Variants in MYRIP observed in about 807,000 individuals in gnomAD.
The protein encoded by MYRIP is myosin VIIA and Rab interacting protein, also known as rab effector MyRIP.
In MYRIP, 49 loss-of-function variants were observed where a neutral mutation model predicts 98.0. The observed-to-expected ratio is 0.50, with a 90% CI of 0.40 to 0.63. The LOEUF (loss-of-function observed/expected upper bound fraction) is 0.63, where lower values mean the gene tolerates loss of function less well. MYRIP is among the 30% of genes least tolerant of loss of function. MYRIP has a pLI of 0.00. For synonymous variants in MYRIP, 404 were observed against 409.5 expected (o/e 0.99, Z 0.16); for missense variants, 1,004 against 1,058.2 (o/e 0.95, Z 0.71).
chr3:39,893,240 C>T lies in MYRIP; in HGVS notation c.-30-7547C>T, dbSNP rs112986094. 7.2e-5 allele frequency among the ~76,000 whole-genome samples: 11 copies of T among 152,206 alleles called. 1 individual carries two copies. The highest frequency in any genetic ancestry group is 2.4e-4 in the African/African-American group (10 of 41,554). ...AATTACACTAAGATCTGCAATTATCCTGTGCTCATCCCCAGGTTTTTTGGA... is the reference window on the plus strand; with the variant it reads ...AATTACACTAAGATCTGCAATTATCTTGTGCTCATCCCCAGGTTTTTTGGA... On this transcript the variant is annotated intron_variant, in intron 1 of 16. Coordinates refer to ENST00000302541, the MANE Select transcript of MYRIP (RefSeq NM_015460.4).
At chr3:40,099,575 C>CAT (rs1241890507) in intron 3 of MYRIP, among the ~76,000 whole-genome samples, 3 of 152,158 alleles carry the variant, frequency 2.0e-5, no homozygotes, top group African/African-American at 7.2e-5. Context: ...TGGGGCCAAA[C>CAT]ATATATATAC....
At chr3:40,068,044 T>C (rs1380383147) in intron 3 of MYRIP, among the ~76,000 whole-genome samples, 1 of 152,236 alleles carries the variant, frequency 6.6e-6, no homozygotes, top group Non-Finnish European at 1.5e-5. Context: ...TTTCATGATT[T>C]TGAACATTGG....
At position 40,259,713 on chromosome 3, in the gene MYRIP, G is replaced by A. The variant is rs1445824418; in HGVS notation, c.*1547G>A. On this transcript the variant is annotated 3_prime_UTR_variant, in exon 17 of 17. Coordinates refer to ENST00000302541, the MANE Select transcript of MYRIP (RefSeq NM_015460.4). Reference sequence around the variant, plus strand: ...CATTAATCTTCCAGTACTCCTTGCTGATGCTGTGTTATGTGTCATCTAACA... The same window carrying A: ...CATTAATCTTCCAGTACTCCTTGCTAATGCTGTGTTATGTGTCATCTAACA... 1 of 152,414 alleles carries A rather than the reference G, an allele frequency of 6.6e-6. No individual in the cohort carries two copies. Among genetic ancestry groups the A allele is most frequent in the Non-Finnish European group, 1.5e-5 (1 of 68,040 alleles). The allele number at this position is 152,414 out of a possible 1,614,324, so 9.4% of individuals were successfully genotyped here.
At chr3:39,846,361 C>T (rs768469823) in intron 1 of MYRIP, among the ~76,000 whole-genome samples, 15 of 152,204 alleles carry the variant, frequency 9.9e-5, no homozygotes, top group Non-Finnish European at 2.1e-4. Context: ...TCCCCACTCA[C>T]CTATGTACAC....
intron 13 of MYRIP, 47 bp from the exon 14 acceptor site, chr3:40,250,175 C>T: frequency 6.9e-7 from 1 of 1,440,922 alleles, no homozygotes; most frequent in Non-Finnish European, 9.8e-7. Context: ...AATATTTTCC[C>T]CTTCCGTATT....
chr3:39,877,514 G>A (rs1368489152), intron 1 of MYRIP, among the ~76,000 whole-genome samples: 1 of 152,094 alleles, frequency 6.6e-6, no homozygotes, highest in Non-Finnish European at 1.5e-5. Flanking sequence ...GTGCAGATGG[G>A]TTTTTGGTGT....
intron 1 of MYRIP, among the ~76,000 whole-genome samples, chr3:39,815,401 G>A (rs1228145960): frequency 6.6e-6 from 1 of 150,930 alleles, no homozygotes; most frequent in Non-Finnish European, 1.5e-5. Context: ...TCATATATAT[G>A]TGTGTGTGTG....
At chr3:39,940,065 A>T (rs746231575) in intron 2 of MYRIP, among the ~76,000 whole-genome samples, 1 of 152,172 alleles carries the variant, frequency 6.6e-6, no homozygotes, top group African/African-American at 2.4e-5. Flanking sequence ...TAATGTTTGT[A>T]TAATAGTAGA....
At chr3:39,923,265 T>C (rs968323247) in intron 2 of MYRIP, among the ~76,000 whole-genome samples, 1 of 150,184 alleles carries the variant, frequency 6.7e-6, no homozygotes, top group Non-Finnish European at 1.5e-5. Context: ...AGAAAGAGAG[T>C]TGAAAAAAGT....
At position 39,955,631 on chromosome 3, in the gene MYRIP, A is replaced by C. The variant is rs1395814253; in HGVS notation, c.110+54705A>C. 2.6e-5 allele frequency among the ~76,000 whole-genome samples: 4 copies of C among 152,200 alleles called. No homozygotes were observed. The South Asian group carries it at 8.3e-4, about 31-fold the overall frequency. ...GAAACTGCATCAACTAACAAGCAAAATAACCAGCTAACATCATAATGACAG... is the reference window on the plus strand; with the variant it reads ...GAAACTGCATCAACTAACAAGCAAACTAACCAGCTAACATCATAATGACAG... On this transcript the variant is annotated intron_variant, in intron 2 of 16. Coordinates refer to ENST00000302541, the MANE Select transcript of MYRIP (RefSeq NM_015460.4).
intron 2 of MYRIP, among the ~76,000 whole-genome samples, chr3:39,926,248 G>A (rs989853694): frequency 5.9e-5 from 9 of 152,064 alleles, no homozygotes; most frequent in Admixed American, 2.0e-4. Flanking sequence ...TTTGTCAGGT[G>A]CATAGTTTAC....
In MYRIP at chr3:40,244,596, G is replaced by T. The variant is rs762942295; in HGVS notation, c.2251G>T (p.Ala751Ser). ...CACGGCTGCAGCCCAAGTCCACCATGCTGAACTCCAGGTGAGAACTCTCCT... is the reference window on the plus strand; with the variant it reads ...CACGGCTGCAGCCCAAGTCCACCATTCTGAACTCCAGGTGAGAACTCTCCT... ...VATAAAQVHH[A>S]ELQISDIESR... Residue 751 changes from alanine to serine, a missense_variant, in exon 13 of 17, where the codon GCT becomes TCT. This residue lies in a region of MYRIP where 16 missense variants were observed against 39.5 expected (regional missense o/e 0.41). Coordinates refer to ENST00000302541, the MANE Select transcript of MYRIP (RefSeq NM_015460.4). The T allele has an allele frequency of 1.2e-6, 2 of 1,612,668 alleles. No homozygotes were observed. The highest frequency in any genetic ancestry group is 1.7e-6 in the Non-Finnish European group (2 of 1,179,316).
At chr3:39,994,117 C>T (rs1177802653) in intron 2 of MYRIP, among the ~76,000 whole-genome samples, 2 of 152,218 alleles carry the variant, frequency 1.3e-5, no homozygotes, top group Admixed American at 6.5e-5. Flanking sequence ...GTGAGCGATG[C>T]AGAAGACAGG....
At chr3:39,983,671 T>C (rs1321657329) in intron 2 of MYRIP, among the ~76,000 whole-genome samples, 1 of 152,074 alleles carries the variant, frequency 6.6e-6, no homozygotes, top group East Asian at 1.9e-4. Context: ...GAGGAGACAG[T>C]TGACAAATGA....
chr3:40,167,323 G>C (rs1433166741), intron 7 of MYRIP, 84 bp downstream of exon 7: 1 of 1,240,932 alleles, frequency 8.1e-7, no homozygotes, highest in South Asian at 1.3e-5. Context: ...GGTGAAACAT[G>C]GGGAGTGTCT....
chr3:39,862,926 C>T lies in MYRIP; in HGVS notation c.-30-37861C>T, dbSNP rs571551434. 2.5e-4 allele frequency among the ~76,000 whole-genome samples: 38 copies of T among 152,152 alleles called. 1 individual carries two copies. Among genetic ancestry groups the T allele is most frequent in the Admixed American group, 2.1e-3 (32 of 15,278 alleles). Reference sequence around the variant, plus strand: ...TCTTCAGTGCCTTAAAAGAAAACAACCAAAATTATACCAATCATATTCTTG... The same window carrying T: ...TCTTCAGTGCCTTAAAAGAAAACAATCAAAATTATACCAATCATATTCTTG... On this transcript the variant is annotated intron_variant, in intron 1 of 16. Coordinates refer to ENST00000302541, the MANE Select transcript of MYRIP (RefSeq NM_015460.4).
At chr3:40,204,542 A>G (rs1475535011) in intron 10 of MYRIP, among the ~76,000 whole-genome samples, 1 of 151,916 alleles carries the variant, frequency 6.6e-6, no homozygotes, top group African/African-American at 2.4e-5. Flanking sequence ...AACTGCCTTA[A>G]ACTTCTCCAT....
At position 40,015,328 on chromosome 3, in the gene MYRIP, C is replaced by T. The variant is rs569014595; in HGVS notation, c.111-28722C>T. ...TTTGTTGCAGGCCCCTGTCCTCCAC[C>T]TGAGAGCTCCAGGGAGCAAGGGCCA... On this transcript the variant is annotated intron_variant, in intron 2 of 16. Coordinates refer to ENST00000302541, the MANE Select transcript of MYRIP (RefSeq NM_015460.4). 3.1e-3 allele frequency among the ~76,000 whole-genome samples: 465 copies of T among 152,310 alleles called. 4 individuals carry two copies. Among genetic ancestry groups the T allele is most frequent in the African/African-American group, 0.01 (433 of 41,562 alleles).
chr3:40,211,544 C>A (rs563377637), intron 11 of MYRIP, among the ~76,000 whole-genome samples: 1 of 152,202 alleles, frequency 6.6e-6, no homozygotes, highest in Non-Finnish European at 1.5e-5. Flanking sequence ...GAGCCCCTCA[C>A]TGGGATATGG....
Sources: gnomAD v4.1 joint callset for allele counts (sites outside exome capture counted in the v4.1 genomes callset) on GRCh38, gnomAD v4.1.1 for gene constraint, gnomAD v4.1.1 regional missense constraint, MANE v1.5 for transcripts, NCBI Gene and HGNC (gene_info 2026-07-23, HGNC 2026-07-21) for gene names.